DLG2: variants seen among roughly 807,000 people sequenced by gnomAD.
The protein encoded by DLG2 is discs large MAGUK scaffold protein 2, also known as disks large homolog 2.
A neutral mutation model predicts 132.5 loss-of-function variants in DLG2; 45 were observed. The observed-to-expected ratio is 0.34, with a 90% CI of 0.27 to 0.44. DLG2 has a LOEUF of 0.44. DLG2 is among the 20% of genes least tolerant of loss of function. The pLI, the probability that DLG2 is intolerant of heterozygous loss-of-function variation, is 1.00. For missense variants in DLG2, 1,045 were observed against 1,196.9 expected (o/e 0.87, Z 1.87); for synonymous variants, 424 against 419.6 (o/e 1.01, Z -0.13).
At chr11:84,023,890 C>A (rs1475139557) in intron 11 of DLG2, among the ~76,000 whole-genome samples, 1 of 152,040 alleles carries the variant, frequency 6.6e-6, no homozygotes, top group African/African-American at 2.4e-5. Context: ...TAATGAACAC[C>A]AAGTACATTT....
At chr11:85,161,970 A>AT (rs1427468329) in intron 4 of DLG2, among the ~76,000 whole-genome samples, 1 of 152,034 alleles carries the variant, frequency 6.6e-6, no homozygotes. Flanking sequence ...CACTAGCAAA[A>AT]TTTTTGCCCC....
chr11:84,498,943 C>T (rs1009796792), intron 7 of DLG2, among the ~76,000 whole-genome samples: 1 of 152,168 alleles, frequency 6.6e-6, no homozygotes, highest in African/African-American at 2.4e-5. Context: ...TTGTCCAATA[C>T]ACTGAAGGAT....
chr11:85,081,696 T>C (rs1359986645), intron 6 of DLG2, among the ~76,000 whole-genome samples: 1 of 152,212 alleles, frequency 6.6e-6, no homozygotes, highest in South Asian at 2.1e-4. Flanking sequence ...GCAACTTTAA[T>C]GTAAGCTATT....
Position 83,905,067 on chromosome 11 carries a change from C to T in DLG2, c.1496+25261G>A, listed in dbSNP as rs148808914. Among the ~76,000 whole-genome samples, 98 of 152,226 alleles carry T rather than the reference C, an allele frequency of 6.4e-4. 1 individual carries two copies. The highest frequency in any genetic ancestry group is 2.3e-3 in the African/African-American group (94 of 41,542). ...AATCTACTTTCAGTATCATCCCATG[C>T]ATTTAGGATAAAATTGCTAGTAATA... On this transcript the variant is annotated intron_variant, in intron 15 of 27. Transcript: ENST00000376104.
chr11:83,940,332 C>T (rs1290081736), intron 14 of DLG2, among the ~76,000 whole-genome samples: 1 of 152,110 alleles, frequency 6.6e-6, no homozygotes, highest in Non-Finnish European at 1.5e-5. Flanking sequence ...TCATGATTGC[C>T]ACTTGGTTTT....
At chr11:83,923,359 A>T (rs1389437380) in intron 15 of DLG2, among the ~76,000 whole-genome samples, 36 of 152,226 alleles carry the variant, frequency 2.4e-4, no homozygotes, top group Non-Finnish European at 1.5e-5. Flanking sequence ...TCACTTTCTA[A>T]TGAGGGAATT....
intron 11 of DLG2, among the ~76,000 whole-genome samples, chr11:84,034,926 C>T (rs939385556): frequency 6.6e-6 from 1 of 152,164 alleles, no homozygotes; most frequent in Admixed American, 6.6e-5. Context: ...CCTCTATTAT[C>T]CAATCAATCA....
intron 14 of DLG2, among the ~76,000 whole-genome samples, chr11:83,944,321 T>C (rs1348785872): frequency 6.6e-6 from 1 of 152,196 alleles, no homozygotes; most frequent in Non-Finnish European, 1.5e-5. Flanking sequence ...CAAAACCTTT[T>C]GAAAAGTAAG....
chr11:83,743,473 C>T (rs894587715), intron 18 of DLG2, among the ~76,000 whole-genome samples: 1 of 134,786 alleles, frequency 7.4e-6, no homozygotes, highest in African/African-American at 3.4e-5. Flanking sequence ...ACTTTGTCAC[C>T]CAGGTTGGAG....
chr11:83,577,940 ATATT>A (rs1231722797), intron 19 of DLG2, among the ~76,000 whole-genome samples: 1 of 133,750 alleles, frequency 7.5e-6, no homozygotes, highest in Non-Finnish European at 1.6e-5. Flanking sequence ...TATATAATAT[ATATT>A]TAATATTTTG....
chr11:84,255,770 C>T (rs1481392287), intron 7 of DLG2, among the ~76,000 whole-genome samples: 4 of 151,952 alleles, frequency 2.6e-5, no homozygotes, highest in Admixed American at 2.6e-4. Context: ...CAAAATCTTT[C>T]TTTAATCAGA....
intron 7 of DLG2, among the ~76,000 whole-genome samples, chr11:84,461,697 A>G (rs1444334264): frequency 6.6e-6 from 1 of 151,072 alleles, no homozygotes; most frequent in Non-Finnish European, 1.5e-5. Context: ...TGAAGAACAC[A>G]AAATTAAAAG....
intron 6 of DLG2, among the ~76,000 whole-genome samples, chr11:84,917,693 T>A (rs552770323): frequency 3.3e-5 from 5 of 152,200 alleles, no homozygotes; most frequent in Non-Finnish European, 7.4e-5. Flanking sequence ...TGTGCTGTTT[T>A]ATCCTTTACT....
intron 19 of DLG2, among the ~76,000 whole-genome samples, chr11:83,547,473 G>A (rs1034895430): frequency 1.3e-5 from 2 of 152,228 alleles, no homozygotes; most frequent in Admixed American, 6.5e-5. Flanking sequence ...ATGGATCAGA[G>A]AGATATGACT....
chr11:83,843,394 A>T (rs1374736580), intron 16 of DLG2, among the ~76,000 whole-genome samples: 1 of 152,150 alleles, frequency 6.6e-6, no homozygotes, highest in Non-Finnish European at 1.5e-5. Context: ...AGAAGAACTG[A>T]CTTTTTTGAA....
At chr11:85,556,480 A>G (rs1467113089) in intron 3 of DLG2, among the ~76,000 whole-genome samples, 1 of 151,922 alleles carries the variant, frequency 6.6e-6, no homozygotes, top group African/African-American at 2.4e-5. Context: ...TTCTTTACAA[A>G]GTCGATTATT....
chr11:84,921,154 T>C (rs1276596888), intron 6 of DLG2, among the ~76,000 whole-genome samples: 5 of 152,126 alleles, frequency 3.3e-5, no homozygotes, highest in African/African-American at 7.2e-5. Flanking sequence ...ATTGCACCAA[T>C]GTGATAAAAT....
At chr11:83,754,665 G>A (rs2093576720) in intron 18 of DLG2, among the ~76,000 whole-genome samples, 2 of 151,238 alleles carry the variant, frequency 1.3e-5, no homozygotes, top group African/African-American at 4.9e-5. Context: ...GAGGACCAAA[G>A]GGTAAGAGCC....
At chr11:84,191,108 C>A (rs2096399375) in intron 8 of DLG2, among the ~76,000 whole-genome samples, 1 of 152,068 alleles carries the variant, frequency 6.6e-6, no homozygotes, top group African/African-American at 2.4e-5. Context: ...GGATCCTAGC[C>A]CTGACTCTAC....
Sources: gnomAD v4.1 joint callset for allele counts (sites outside exome capture counted in the v4.1 genomes callset) on GRCh38, gnomAD v4.1.1 for gene constraint, MANE v1.5 for transcripts, NCBI Gene and HGNC (gene_info 2026-07-23, HGNC 2026-07-21) for gene names.